The following WWOX variants were observed in gnomAD, a reference collection of about 807,000 sequenced individuals.
WWOX encodes the protein WW domain-containing oxidoreductase.
WWOX carries 69 observed loss-of-function variants against 46.2 expected under a neutral mutation model. That is an observed-to-expected ratio of 1.49 (90% CI 1.23 to 1.82). WWOX has a LOEUF of 1.82. WWOX is among the 40% of genes most tolerant of loss of function. The pLI is 0.00. For synonymous variants in WWOX, 359 were observed against 202.6 expected (o/e 1.77, Z -6.56); for missense variants, 919 against 542.6 (o/e 1.69, Z -6.89).
At chr16:78,848,563 G>A (rs1426807792) in intron 8 of WWOX, among the ~76,000 whole-genome samples, 2 of 152,156 alleles carry the variant, frequency 1.3e-5, no homozygotes, top group Non-Finnish European at 1.5e-5. Context: ...CTAAGGGTAC[G>A]GGGAACCTGG....
chr16:79,003,514 G>A (rs2047134412), intron 8 of WWOX, among the ~76,000 whole-genome samples: 1 of 152,208 alleles, frequency 6.6e-6, no homozygotes, highest in Non-Finnish European at 1.5e-5. Context: ...CAGGACTCTG[G>A]ATAGGGTTTG....
intron 8 of WWOX, among the ~76,000 whole-genome samples, chr16:79,154,524 G>A (rs1451033568): frequency 2.0e-5 from 3 of 150,018 alleles, no homozygotes; most frequent in Admixed American, 6.6e-5. Flanking sequence ...AAAAAAAGAG[G>A]TGAATTTAGT....
In WWOX at chr16:79,105,666, T is replaced by G. The variant is rs909447952; in HGVS notation, c.1057-105942T>G. Reference sequence around the variant, plus strand: ...ATACTGTGAATGTCTTTTTGTTTTTTTTTTTTTTGTTTGCGAGACAGGGTC... The same window carrying G: ...ATACTGTGAATGTCTTTTTGTTTTTGTTTTTTTTGTTTGCGAGACAGGGTC... On this transcript the variant is annotated intron_variant, in intron 8 of 8. Transcript: ENST00000566780. Among the ~76,000 whole-genome samples, 4 of 151,874 alleles carry G rather than the reference T, an allele frequency of 2.6e-5. No individual in the cohort carries two copies. In the East Asian group the frequency reaches 5.8e-4, roughly 22 times the overall value.
intron 8 of WWOX, among the ~76,000 whole-genome samples, chr16:78,921,394 G>A (rs558022631): frequency 6.6e-6 from 1 of 152,214 alleles, no homozygotes; most frequent in Non-Finnish European, 1.5e-5. Flanking sequence ...GTCATGGGGA[G>A]TACAGTAAAA....
intron 8 of WWOX, among the ~76,000 whole-genome samples, chr16:78,732,419 C>G (rs2048991262): frequency 6.6e-6 from 1 of 152,246 alleles, no homozygotes; most frequent in Admixed American, 6.5e-5. Context: ...CTTCAGTCAT[C>G]AGATAGGAAG....
chr16:78,466,564 T>C (rs1205359937), intron 8 of WWOX, among the ~76,000 whole-genome samples: 1 of 151,888 alleles, frequency 6.6e-6, no homozygotes, highest in East Asian at 1.9e-4. Flanking sequence ...GTGCAGTGGC[T>C]CACACCTGTA....
intron 8 of WWOX, among the ~76,000 whole-genome samples, chr16:78,638,268 G>C (rs2046622637): frequency 6.6e-6 from 1 of 152,178 alleles, no homozygotes; most frequent in Admixed American, 6.5e-5. Flanking sequence ...TTTCCTAAGT[G>C]GCCAGGGGCA....
Position 78,625,860 on chromosome 16 carries a change from C to CATTACTTAAAAGTTTTTAAGTAATGCA in WWOX, c.1056+193120_1056+193146dup, listed in dbSNP as rs549099307. Among the ~76,000 whole-genome samples the CATTACTTAAAAGTTTTTAAGTAATGCA allele has an allele frequency of 4.2e-3, 628 of 148,262 alleles. 5 individuals are homozygous for CATTACTTAAAAGTTTTTAAGTAATGCA. The highest frequency in any genetic ancestry group is 0.012 in the African/African-American group (481 of 40,392). On this transcript the variant is annotated intron_variant, in intron 8 of 8. Coordinates refer to ENST00000566780, the MANE Select transcript of WWOX (RefSeq NM_016373.4). Reference sequence around the variant, plus strand: ...CGGTTTTTGCCGTTACTTAAAATTGCATTACTTAAAAGTTTTTAAGTAATG... The same window carrying CATTACTTAAAAGTTTTTAAGTAATGCA: ...CGGTTTTTGCCGTTACTTAAAATTGCATTACTTAAAAGTTTTTAAGTAATGCAATTACTTAAAAGTTTTTAAGTAATG...
chr16:79,041,877 A>G (rs1433767387), intron 8 of WWOX, among the ~76,000 whole-genome samples: 4 of 151,880 alleles, frequency 2.6e-5, no homozygotes, highest in Non-Finnish European at 4.4e-5. Flanking sequence ...GTCCTTTCTC[A>G]CACGTGTTTA....
chr16:78,617,814 G>T (rs2046064962), intron 8 of WWOX, among the ~76,000 whole-genome samples: 1 of 152,126 alleles, frequency 6.6e-6, no homozygotes. Context: ...CTCCGTTAAT[G>T]TTTATTTGAA....
chr16:78,435,749 T>C (rs568827599), intron 8 of WWOX, among the ~76,000 whole-genome samples: 3 of 152,298 alleles, frequency 2.0e-5, no homozygotes, highest in Admixed American at 1.3e-4. Flanking sequence ...TGCTGATGGC[T>C]AAGCTCAGCT....
At chr16:79,135,479 T>C (rs974610294) in intron 8 of WWOX, among the ~76,000 whole-genome samples, 2 of 152,220 alleles carry the variant, frequency 1.3e-5, no homozygotes, top group African/African-American at 2.4e-5. Flanking sequence ...TATTCATCTA[T>C]CCATCTATTA....
intron 8 of WWOX, among the ~76,000 whole-genome samples, chr16:78,646,806 A>G (rs551802495): frequency 8.4e-4 from 128 of 152,284 alleles, no homozygotes; most frequent in South Asian, 1.9e-3. Context: ...GTCAGGGACC[A>G]TGCCTAGAAT....
intron 8 of WWOX, among the ~76,000 whole-genome samples, chr16:78,773,374 G>C (rs2142527487): frequency 6.6e-6 from 1 of 152,280 alleles, no homozygotes; most frequent in South Asian, 2.1e-4. Context: ...GCTTGGAATG[G>C]ACCATCCTCT....
chr16:78,500,949 G>A (rs773933224), intron 8 of WWOX, among the ~76,000 whole-genome samples: 16 of 152,248 alleles, frequency 1.1e-4, no homozygotes, highest in Non-Finnish European at 2.1e-4. Context: ...CAGGTACCAC[G>A]CTTAGGTCTG....
chr16:78,117,503 T>A (rs2151678107), intron 4 of WWOX, among the ~76,000 whole-genome samples: 1 of 148,056 alleles, frequency 6.8e-6, no homozygotes, highest in Non-Finnish European at 1.5e-5. Context: ...TCACTTGCAC[T>A]CTGCAGCAGT....
At chr16:78,595,814 T>C (rs1277797146) in intron 8 of WWOX, among the ~76,000 whole-genome samples, 2 of 152,264 alleles carry the variant, frequency 1.3e-5, no homozygotes, top group Admixed American at 6.5e-5. Flanking sequence ...AACCCGCTTT[T>C]TGAACTGTTC....
intron 8 of WWOX, among the ~76,000 whole-genome samples, chr16:78,681,863 G>A (rs146152003): frequency 1.3e-5 from 2 of 152,290 alleles, no homozygotes; most frequent in East Asian, 3.9e-4. Flanking sequence ...TGGAGAGCTG[G>A]TTAGAAAAAC....
intron 8 of WWOX, among the ~76,000 whole-genome samples, chr16:78,831,336 C>T (rs375819676): frequency 1.3e-5 from 2 of 152,224 alleles, no homozygotes; most frequent in Admixed American, 6.5e-5. Context: ...CCTGACCAGC[C>T]TCCAAGATGT....
Sources: allele counts gnomAD v4.1 joint callset (sites outside exome capture counted in the v4.1 genomes callset), GRCh38; gene constraint gnomAD v4.1.1; transcripts MANE v1.5; gene names NCBI Gene and HGNC (gene_info 2026-07-23, HGNC 2026-07-21).